Variants in CTNNA2 observed in about 807,000 individuals in gnomAD.
The protein encoded by CTNNA2 is catenin alpha-2.
CTNNA2 carries 42 observed loss-of-function variants against 101.0 expected under a neutral mutation model. The ratio of observed to expected loss-of-function variants is 0.42; its 90% CI spans 0.32 to 0.54. The LOEUF is 0.54. Among genes scored for constraint, CTNNA2 ranks in the 20% least tolerant of loss-of-function variants. The pLI, the probability that CTNNA2 is intolerant of heterozygous loss-of-function variation, is 0.14. For synonymous variants in CTNNA2, 450 were observed against 456.4 expected, an observed-to-expected ratio of 0.99 and a Z score of 0.18; for missense variants, 871 against 1,223.1, an observed-to-expected ratio of 0.71 and a Z score of 4.29.
At chr2:79,664,022 C>A (rs558344605) in intron 2 of CTNNA2, among the ~76,000 whole-genome samples, 4 of 152,114 alleles carry the variant, frequency 2.6e-5, no homozygotes, top group Non-Finnish European at 4.4e-5. Context: ...GTTTATTGTG[C>A]ATTTTAAAAG....
At chr2:79,892,268 A>T (rs1684363749) in intron 6 of CTNNA2, among the ~76,000 whole-genome samples, 1 of 152,176 alleles carries the variant, frequency 6.6e-6, no homozygotes, top group Non-Finnish European at 1.5e-5. Context: ...TGCCTAGTTT[A>T]AGTATTAATT....
intron 2 of CTNNA2, among the ~76,000 whole-genome samples, chr2:79,216,745 G>C (rs1435065739): frequency 6.7e-6 from 1 of 149,490 alleles, no homozygotes; most frequent in Non-Finnish European, 1.5e-5. Flanking sequence ...TTGCAGCTAA[G>C]GGTGAAGAAG....
chr2:80,070,054 T>G (rs1698231137), intron 7 of CTNNA2, among the ~76,000 whole-genome samples: 1 of 152,244 alleles, frequency 6.6e-6, no homozygotes, highest in Admixed American at 6.5e-5. Flanking sequence ...TGCTACAATT[T>G]GCCCTGGTTA....
chr2:79,833,402 T>C (rs1679076566), intron 3 of CTNNA2, among the ~76,000 whole-genome samples: 1 of 152,234 alleles, frequency 6.6e-6, no homozygotes, highest in Non-Finnish European at 1.5e-5. Flanking sequence ...TTTGTCAGAC[T>C]TCTTGCCTAG....
intron 9 of CTNNA2, among the ~76,000 whole-genome samples, chr2:80,505,172 C>T (rs1188675426): frequency 2.0e-5 from 3 of 152,170 alleles, no homozygotes; most frequent in Non-Finnish European, 4.4e-5. Context: ...AAGGGAACAT[C>T]AGGGTTGGCT....
At chr2:80,529,509 T>C (rs1690338755) in intron 9 of CTNNA2, among the ~76,000 whole-genome samples, 2 of 152,242 alleles carry the variant, frequency 1.3e-5, no homozygotes, top group Non-Finnish European at 2.9e-5. Flanking sequence ...CTTACATTGA[T>C]GAAGACCTCC....
chr2:80,088,539 T>C (rs1699586674), intron 7 of CTNNA2, among the ~76,000 whole-genome samples: 1 of 152,102 alleles, frequency 6.6e-6, no homozygotes, highest in Non-Finnish European at 1.5e-5. Flanking sequence ...CTATAATGTA[T>C]CTTTAAATAT....
chr2:79,643,060 A>G lies in CTNNA2; in HGVS notation c.-5-8492A>G, dbSNP rs191168933. 8.3e-3 allele frequency among the ~76,000 whole-genome samples: 1,256 copies of G among 152,114 alleles called. 26 individuals carry two copies. The highest frequency in any genetic ancestry group is 0.028 in the African/African-American group (1,151 of 41,490). On this transcript the variant is annotated intron_variant, in intron 1 of 18. Coordinates refer to ENST00000402739, the MANE Select transcript of CTNNA2 (RefSeq NM_001282597.3). ...ACAAAAATTAGCTGGGCATGGTGGC[A>G]CACGCCTGTAGTCCAAGCTACTCGG... is the stretch of plus-strand genomic sequence containing the variant.
chr2:79,872,988 T>C (rs1166908264), intron 5 of CTNNA2, among the ~76,000 whole-genome samples: 2 of 152,246 alleles, frequency 1.3e-5, no homozygotes, highest in East Asian at 3.8e-4. Context: ...TCCCTAGTGG[T>C]ATTATTTTGT....
At chr2:79,732,907 C>G (rs1226195134) in intron 2 of CTNNA2, among the ~76,000 whole-genome samples, 1 of 151,936 alleles carries the variant, frequency 6.6e-6, no homozygotes, top group Non-Finnish European at 1.5e-5. Flanking sequence ...AAACAAAAAA[C>G]AAAAAACAAA....
chr2:79,725,911 A>T (rs1368978149), intron 2 of CTNNA2, among the ~76,000 whole-genome samples: 1 of 152,186 alleles, frequency 6.6e-6, no homozygotes, highest in Non-Finnish European at 1.5e-5. Flanking sequence ...GATCTTACTA[A>T]GGAAATGCAT....
chr2:79,462,086 G>C (rs1442439470), intron 4 of CTNNA2, among the ~76,000 whole-genome samples: 1 of 152,080 alleles, frequency 6.6e-6, no homozygotes, highest in African/African-American at 2.4e-5. Context: ...TTACAAATAA[G>C]AACAAATTTA....
chr2:79,871,990 G>C (rs1017160528), intron 5 of CTNNA2, among the ~76,000 whole-genome samples: 2 of 152,102 alleles, frequency 1.3e-5, no homozygotes, highest in African/African-American at 4.8e-5. Flanking sequence ...AAAAACAGTA[G>C]AACAGAAGGA....
rs775086955 is a variant in CTNNA2 at position 80,608,219 on chromosome 2, C to T, written c.2331C>T (p.Ala777=). The change falls in exon 17 of 19, where the codon GCC becomes GCT. Residue 777 remains alanine (A), a synonymous_variant. Coordinates refer to ENST00000402739, the MANE Select transcript of CTNNA2 (RefSeq NM_001282597.3). ...CAGCATGTAAGCAGGATTTATTAGC[C>T]TACCTTCAACGAATTGCCTTGTATT... is the stretch of plus-strand genomic sequence containing the variant. ...PDSACKQDLL[A]YLQRIALYCH... 12 of 1,610,530 alleles carry T rather than the reference C, an allele frequency of 7.5e-6. No individual in the cohort carries two copies. The highest frequency in any genetic ancestry group is 6.7e-5 in the African/African-American group (5 of 74,698).
chr2:80,625,968 C>T (rs1671642705), intron 18 of CTNNA2, among the ~76,000 whole-genome samples: 1 of 151,808 alleles, frequency 6.6e-6, no homozygotes. Flanking sequence ...CCATAGAAAC[C>T]TACAGAATTT....
At position 80,647,746 on chromosome 2, in the gene CTNNA2, G is replaced by A. The variant is rs745846140; in HGVS notation, c.2736G>A (p.Glu912=). The change falls in exon 19 of 19, where the codon GAG becomes GAA. Residue 912 remains glutamate, a synonymous_variant. Transcript: ENST00000402739. ...TGTCTTGGAAGATGAAGGCTCCAGA[G>A]AAGAAGCCCCTTGTGAAGAGAGAAA... ...PVVSWKMKAP[E]KKPLVKREKP... The A allele has an allele frequency of 1.2e-6, 2 of 1,613,634 alleles. No individual in the cohort carries two copies. The highest frequency in any genetic ancestry group is 1.7e-6 in the Non-Finnish European group (2 of 1,179,630).
intron 2 of CTNNA2, among the ~76,000 whole-genome samples, chr2:79,222,355 AG>A (rs1159561782): frequency 6.6e-6 from 1 of 152,180 alleles, no homozygotes; most frequent in Non-Finnish European, 1.5e-5. Flanking sequence ...CTTCTTCTGT[AG>A]GAATCCTTCT....
intron 4 of CTNNA2, among the ~76,000 whole-genome samples, chr2:79,458,092 A>T (rs1670844279): frequency 6.6e-6 from 1 of 152,190 alleles, no homozygotes; most frequent in Non-Finnish European, 1.5e-5. Context: ...TTTCCATAGA[A>T]TTAAGCATCT....
At chr2:80,122,646 A>G (rs1701904945) in intron 7 of CTNNA2, among the ~76,000 whole-genome samples, 1 of 152,182 alleles carries the variant, frequency 6.6e-6, no homozygotes, top group South Asian at 2.1e-4. Flanking sequence ...CTGTGGATAC[A>G]GTCCACACTC....
Sources: allele counts gnomAD v4.1 joint callset (sites outside exome capture counted in the v4.1 genomes callset), GRCh38; gene constraint gnomAD v4.1.1; transcripts MANE v1.5; gene names NCBI Gene and HGNC (gene_info 2026-07-23, HGNC 2026-07-21).